Variants in ARHGAP39 observed in about 807,000 individuals in gnomAD.
The protein encoded by ARHGAP39 is Rho GTPase activating protein 39.
Under a neutral mutation model 106.9 loss-of-function variants are expected in ARHGAP39, and 44 were observed. The ratio of observed to expected loss-of-function variants is 0.41; its 90% CI spans 0.32 to 0.53. ARHGAP39 has a LOEUF of 0.53. ARHGAP39 is among the 20% of genes least tolerant of loss of function. The pLI is 0.21. For missense variants in ARHGAP39, 1,496 were observed against 1,577.3 expected, an observed-to-expected ratio of 0.95 and a Z score of 0.87; for synonymous variants, 768 against 693.2, an observed-to-expected ratio of 1.11 and a Z score of -1.69.
In ARHGAP39 at chr8:144,684,389, G is replaced by GC. The variant is rs1293540656; in HGVS notation, c.-82+1296dup. Among the ~76,000 whole-genome samples the GC allele has an allele frequency of 6.6e-6, 1 of 152,218 alleles. No individual in the cohort carries two copies. The highest frequency in any genetic ancestry group is 2.4e-5 in the African/African-American group (1 of 41,464). ...GCTGTCTATAGAGGGCACCTAGGAC[G>GC]CAGCGTCCAATTCCCCTCACTGGCT... is the stretch of plus-strand genomic sequence containing the variant. On this transcript the variant is annotated intron_variant, in intron 1 of 11. Coordinates refer to ENST00000377307, the MANE Select transcript of ARHGAP39 (RefSeq NM_025251.3). This position sits in a 1 kb window ranked among gnomAD's most constrained non-coding sequence, Gnocchi z 4.4.
intron 1 of ARHGAP39, among the ~76,000 whole-genome samples, chr8:144,616,929 A>T (rs1010663826): frequency 9.2e-5 from 14 of 152,232 alleles, no homozygotes; most frequent in Non-Finnish European, 1.9e-4. Context: ...AAACAAAACA[A>T]TGCTGGGAGC....
At position 144,594,088 on chromosome 8, in the gene ARHGAP39, C is replaced by CAAA. The variant is rs149748913; in HGVS notation, c.80+11444_80+11446dup. On this transcript the variant is annotated intron_variant, in intron 2 of 11. Transcript: ENST00000377307. Reference sequence around the variant, plus strand: ...TGGGCGACAAAGTGAGACTCCGTCTCAAAAAAAAAAAAAAAAAAAAGATAA... The same window carrying CAAA: ...TGGGCGACAAAGTGAGACTCCGTCTCAAAAAAAAAAAAAAAAAAAAAAAGATAA... Among the ~76,000 whole-genome samples, 18 of 56,860 alleles carry CAAA rather than the reference C, an allele frequency of 3.2e-4. 1 individual carries two copies. The highest frequency in any genetic ancestry group is 9.0e-4 in the Admixed American group (5 of 5,534). 37.3% of individuals were successfully genotyped at this position (56,860 alleles called of 152,430 possible). A position where few individuals can be genotyped will look rare whatever the true frequency, so the allele number is the denominator to read the frequency against.
chr8:144,530,969 G>C (rs1816680068), intron 10 of ARHGAP39, 98 bp from the exon 11 acceptor site: 1 of 1,432,640 alleles, frequency 7.0e-7, no homozygotes, highest in Non-Finnish European at 9.3e-7. Flanking sequence ...TGCTGTGGGG[G>C]ACAGGCTGGG....
Position 144,671,199 on chromosome 8 carries a change from AAG to A in ARHGAP39, c.-82+14485_-82+14486del, listed in dbSNP as rs1192782757. On this transcript the variant is annotated intron_variant, in intron 1 of 11. Coordinates refer to ENST00000377307, the MANE Select transcript of ARHGAP39 (RefSeq NM_025251.3). The surrounding 1 kb of genome is among the most constrained non-coding windows in gnomAD (Gnocchi z 4.5). Reference sequence around the variant, plus strand: ...ATGCCAGGCTCTGCGGGTCACTGACAAGAGTCTCTGCCCTGCAGCATCTCCCA... The same window carrying A: ...ATGCCAGGCTCTGCGGGTCACTGACAAGTCTCTGCCCTGCAGCATCTCCCA... Among the ~76,000 whole-genome samples, 2 of 152,248 alleles carry A rather than the reference AAG, an allele frequency of 1.3e-5. No individual in the cohort carries two copies. Among genetic ancestry groups the A allele is most frequent in the African/African-American group, 4.8e-5 (2 of 41,466 alleles).
In ARHGAP39 at chr8:144,547,849, C is replaced by T. The variant is rs2130844512; in HGVS notation, c.1237G>A (p.Gly413Ser). The T allele has an allele frequency of 6.3e-7, 1 of 1,586,908 alleles. No homozygotes were observed. Among genetic ancestry groups the T allele is most frequent in the Non-Finnish European group, 8.6e-7 (1 of 1,167,368 alleles). Residue 413 changes from glycine to serine, a missense_variant, in exon 5 of 12, where the codon GGC becomes AGC. This residue lies in a region of ARHGAP39 where 905 missense variants were observed against 816.4 expected (regional missense o/e 1.11). Coordinates refer to ENST00000377307, the MANE Select transcript of ARHGAP39 (RefSeq NM_025251.3). The surrounding 1 kb of genome is among the most constrained non-coding windows in gnomAD (Gnocchi z 5.2). ...QAGSSPKLRA[G>S]PRHKYAPNPG... ...TTGGGCGCGTACTTGTGCCGCGGGC[C>T]GGCGCGCAGCTTGGGGCTGGAGCCC...
chr8:144,539,040 T>C (rs2130827124), intron 6 of ARHGAP39, among the ~76,000 whole-genome samples: 1 of 152,190 alleles, frequency 6.6e-6, no homozygotes, highest in Non-Finnish European at 1.5e-5. Context: ...ACATCTCGTA[T>C]ATGCCCCGCA....
intron 1 of ARHGAP39, among the ~76,000 whole-genome samples, chr8:144,631,210 C>T (rs1821054789): frequency 6.6e-6 from 1 of 152,252 alleles, no homozygotes; most frequent in African/African-American, 2.4e-5. Flanking sequence ...CACCTCCCGC[C>T]AGACCCCACC....
At chr8:144,542,888 AT>A (rs201102656) in intron 6 of ARHGAP39, among the ~76,000 whole-genome samples, 151,483 of 151,486 alleles carry the variant, frequency 1, 75,740 homozygotes, top group Middle Eastern at 1. Context: ...GCAGTGAGTC[AT>A]GATTGCACCA....
chr8:144,661,956 T>C (rs534117392), intron 1 of ARHGAP39, among the ~76,000 whole-genome samples: 3 of 148,758 alleles, frequency 2.0e-5, no homozygotes, highest in African/African-American at 7.4e-5. Context: ...TCTTCCCCGT[T>C]ATCCACTTTG....
rs1822326236 is a variant in ARHGAP39, at chr8:144,679,271, G to T, written c.-82+6415C>A. On this transcript the variant is annotated intron_variant, in intron 1 of 11. Coordinates refer to ENST00000377307, the MANE Select transcript of ARHGAP39 (RefSeq NM_025251.3). This position sits in a 1 kb window ranked among gnomAD's most constrained non-coding sequence, Gnocchi z 4.7. ...CTCTGCTCAGCACAGCGTCCGAGCA[G>T]GGGCTCACCTTCCCCATAGGAGGCT... 6.6e-6 allele frequency among the ~76,000 whole-genome samples: 1 copy of T among 152,210 alleles called. No individual in the cohort carries two copies. The highest frequency in any genetic ancestry group is 6.5e-5 in the Admixed American group (1 of 15,280).
intron 7 of ARHGAP39, 65 bp from the exon 8 acceptor site, chr8:144,534,267 G>T: frequency 6.3e-7 from 1 of 1,576,160 alleles, no homozygotes; most frequent in South Asian, 1.1e-5. Flanking sequence ...GGAGAGGGGT[G>T]AGCAGACACA....
At chr8:144,681,551 C>CT (rs1221671995) in intron 1 of ARHGAP39, among the ~76,000 whole-genome samples, 4 of 152,158 alleles carry the variant, frequency 2.6e-5, no homozygotes, top group Non-Finnish European at 5.9e-5. Context: ...ATTTCATGGA[C>CT]TTTTTTTCAA....
chr8:144,533,032 TG>T, intron 9 of ARHGAP39, 93 bp downstream of exon 9: 1 of 1,453,822 alleles, frequency 6.9e-7, no homozygotes, highest in South Asian at 1.3e-5. Flanking sequence ...AGCAGCCCAG[TG>T]GGCCTGAGGC....
At chr8:144,696,848 A>T in the ARHGAP39 span, among the ~76,000 whole-genome samples, 2 of 152,218 alleles carry the variant, frequency 1.3e-5, no homozygotes, top group East Asian at 3.9e-4. Context: ...GTCCCTAGTA[A>T]CCAACATTCT....
intron 4 of ARHGAP39, among the ~76,000 whole-genome samples, chr8:144,551,850 C>T (rs1403901165): frequency 2.6e-5 from 4 of 152,242 alleles, no homozygotes; most frequent in African/African-American, 9.6e-5. Context: ...CATGTCTGTC[C>T]TTTCAGCCAG....
intron 2 of ARHGAP39, among the ~76,000 whole-genome samples, chr8:144,589,745 C>T (rs1013719191): frequency 5.3e-5 from 8 of 152,224 alleles, no homozygotes; most frequent in Admixed American, 5.2e-4. Flanking sequence ...ACACCCAAGA[C>T]GAGCTCGGAG....
chr8:144,568,461 C>T (rs914882794), intron 3 of ARHGAP39, among the ~76,000 whole-genome samples: 9 of 138,316 alleles, frequency 6.5e-5, no homozygotes, highest in South Asian at 4.6e-4. Flanking sequence ...GAAAGAAATG[C>T]CACCAGATGG....
chr8:144,681,275 G>T (rs1822410448), intron 1 of ARHGAP39, among the ~76,000 whole-genome samples: 1 of 152,208 alleles, frequency 6.6e-6, no homozygotes, highest in African/African-American at 2.4e-5. Context: ...AAGCAAGAAA[G>T]GTAACGAGAA....
At chr8:144,698,728 G>A in the ARHGAP39 span, 1 of 442,810 alleles carries the variant, frequency 2.3e-6, no homozygotes, top group African/African-American at 2.0e-5. Flanking sequence ...GGCACAGTCT[G>A]TACTGAGAGG....
Sources: allele counts gnomAD v4.1 joint callset (sites outside exome capture counted in the v4.1 genomes callset), GRCh38; gene constraint gnomAD v4.1.1; regional missense constraint gnomAD v4.1.1; non-coding constraint Gnocchi (gnomAD v3.1); transcripts MANE v1.5; gene names NCBI Gene and HGNC (gene_info 2026-07-23, HGNC 2026-07-21).